SIPA1L2: variants seen among roughly 807,000 people sequenced by gnomAD.
SIPA1L2 encodes the protein signal-induced proliferation-associated 1-like protein 2.
SIPA1L2 carries 56 observed loss-of-function variants against 163.9 expected under a neutral mutation model. The ratio of observed to expected loss-of-function variants is 0.34; its 90% CI spans 0.28 to 0.43. The LOEUF (loss-of-function observed/expected upper bound fraction) is 0.43, where lower values mean the gene tolerates loss of function less well. Ranked by LOEUF, SIPA1L2 falls within the 20% of genes least tolerant of loss-of-function variation. The pLI is 1.00. For synonymous variants in SIPA1L2, 877 were observed against 865.7 expected, an observed-to-expected ratio of 1.01 and a Z score of -0.23; for missense variants, 1,974 against 2,193.5, an observed-to-expected ratio of 0.90 and a Z score of 2.00.
chr1:232,487,550 G>A (rs750401294), intron 5 of SIPA1L2, among the ~76,000 whole-genome samples: 24 of 152,208 alleles, frequency 1.6e-4, no homozygotes, highest in East Asian at 7.7e-4. Flanking sequence ...GTCATAATTC[G>A]TCTAAATAAC....
chr1:232,440,663 C>G (rs930346656), intron 14 of SIPA1L2, among the ~76,000 whole-genome samples: 1 of 152,196 alleles, frequency 6.6e-6, no homozygotes, highest in East Asian at 1.9e-4. Flanking sequence ...TTCACCTGAA[C>G]ATTTTCAAAA....
intron 1 of SIPA1L2, among the ~76,000 whole-genome samples, chr1:232,624,103 C>T (rs1177640563): frequency 6.6e-6 from 1 of 152,090 alleles, no homozygotes; most frequent in Non-Finnish European, 1.5e-5. Context: ...TATACACACA[C>T]ACAAACGTGC....
At chr1:232,598,849 C>A (rs1239829575) in intron 1 of SIPA1L2, among the ~76,000 whole-genome samples, 1 of 151,488 alleles carries the variant, frequency 6.6e-6, no homozygotes. Flanking sequence ...AATATTCAGA[C>A]CAAGCAAGTA....
chr1:232,545,290 A>ACTT (rs1657966717), intron 2 of SIPA1L2, among the ~76,000 whole-genome samples: 1 of 152,200 alleles, frequency 6.6e-6, no homozygotes, highest in Non-Finnish European at 1.5e-5. Flanking sequence ...ACACTTACTG[A>ACTT]CTATATGATT....
At chr1:232,419,971 T>G (rs966957264) in intron 18 of SIPA1L2, among the ~76,000 whole-genome samples, 1 of 152,194 alleles carries the variant, frequency 6.6e-6, no homozygotes, top group African/African-American at 2.4e-5. Context: ...CAAAGAGCCC[T>G]GTCAACAAAC....
intron 17 of SIPA1L2, among the ~76,000 whole-genome samples, chr1:232,426,495 C>G (rs1661911564): frequency 1.3e-5 from 2 of 152,072 alleles, no homozygotes; most frequent in South Asian, 4.2e-4. Context: ...CCTGTCTCCA[C>G]TAAAAATACA....
At position 232,604,676 on chromosome 1, in the gene SIPA1L2, T is replaced by C. The variant is rs6697309; in HGVS notation, c.-319+25193A>G. On this transcript the variant is annotated intron_variant, in intron 1 of 22. Transcript: ENST00000674635. Reference sequence around the variant, plus strand: ...TCTCATGTTGAATTGTAATCACCAATGTTGGAGGTGAGGCCTGGTGGGAGA... The same window carrying C: ...TCTCATGTTGAATTGTAATCACCAACGTTGGAGGTGAGGCCTGGTGGGAGA... Among the ~76,000 whole-genome samples, 1,043 of 152,162 alleles carry C rather than the reference T, an allele frequency of 6.9e-3. 16 individuals carry two copies. The highest frequency in any genetic ancestry group is 0.024 in the African/African-American group (976 of 41,532).
intron 18 of SIPA1L2, among the ~76,000 whole-genome samples, chr1:232,419,728 A>G (rs1055659007): frequency 2.0e-5 from 3 of 152,200 alleles, no homozygotes; most frequent in Admixed American, 2.0e-4. Context: ...GAAGAACCAA[A>G]AGCCAATTAA....
At chr1:232,576,582 G>C (rs1448551726) in intron 1 of SIPA1L2, among the ~76,000 whole-genome samples, 1 of 152,132 alleles carries the variant, frequency 6.6e-6, no homozygotes, top group Non-Finnish European at 1.5e-5. Context: ...CCGTATTCAA[G>C]TAAGAGTCAA....
intron 1 of SIPA1L2, among the ~76,000 whole-genome samples, chr1:232,607,465 T>C (rs1452095413): frequency 6.6e-6 from 1 of 152,198 alleles, no homozygotes; most frequent in Non-Finnish European, 1.5e-5. Context: ...TATACATAAA[T>C]CTTTTAGACC....
Position 232,428,441 on chromosome 1 carries a change from G to C in SIPA1L2, c.4380C>G (p.Asp1460Glu), listed in dbSNP as rs772978624. The change falls in exon 17 of 23, where the codon GAC becomes GAG. Residue 1460 changes from aspartate to glutamate, a missense_variant. Coordinates refer to ENST00000674635, the MANE Select transcript of SIPA1L2 (RefSeq NM_020808.5). ...TTCGCCCCTCCTCCACTAAGGGGCT[G>C]TCAGGAAGCATCAATTTCAGAAAAT... ...KEDFLKLMLP[D>E]SPLVEEGRRK... The C allele has an allele frequency of 6.3e-7, 1 of 1,579,344 alleles. No individual in the cohort carries two copies. The highest frequency in any genetic ancestry group is 2.4e-5 in the East Asian group (1 of 42,238).
At chr1:232,437,330 G>A (rs1662623708) in intron 15 of SIPA1L2, among the ~76,000 whole-genome samples, 1 of 152,086 alleles carries the variant, frequency 6.6e-6, no homozygotes, top group South Asian at 2.1e-4. Context: ...TCCACAGTAT[G>A]ACCACTATTC....
chr1:232,532,665 A>G (rs16857571), intron 2 of SIPA1L2, among the ~76,000 whole-genome samples: 3,765 of 152,312 alleles, frequency 0.025, 150 homozygotes, highest in South Asian at 0.081. Context: ...CACATCCCAT[A>G]ACACTTCTTA....
At chr1:232,405,415 G>C (rs1468613354) in intron 19 of SIPA1L2, among the ~76,000 whole-genome samples, 1 of 152,250 alleles carries the variant, frequency 6.6e-6, no homozygotes, top group Non-Finnish European at 1.5e-5. Context: ...GTACTGCATA[G>C]TAGGCTTTTT....
At position 232,404,259 on chromosome 1, in the gene SIPA1L2, T is replaced by TG; in HGVS notation, c.4763-82dup. ...ATCTCGGGGGCCCACAAAATGCGGC[T>TG]GTGTGAAGTAGTGTGTGTGTGTGAT... On this transcript the variant is annotated intron_variant, in intron 19 of 22. Coordinates refer to ENST00000674635, the MANE Select transcript of SIPA1L2 (RefSeq NM_020808.5). 5.4e-6 allele frequency: 7 copies of TG among 1,288,264 alleles called. No homozygotes were observed. The South Asian group carries it at 8.7e-5, about 16-fold the overall frequency. 79.8% of individuals were successfully genotyped at this position (1,288,264 alleles called of 1,614,324 possible).
At chr1:232,443,815 T>G in intron 11 of SIPA1L2, 130 bp from the exon 12 acceptor site, 1 of 660,034 alleles carries the variant, frequency 1.5e-6, no homozygotes, top group Non-Finnish European at 2.5e-6. Flanking sequence ...CATATTGCCA[T>G]GTGAAACAGA....
intron 2 of SIPA1L2, among the ~76,000 whole-genome samples, chr1:232,530,558 A>T (rs1244565894): frequency 1.3e-5 from 2 of 152,150 alleles, no homozygotes; most frequent in African/African-American, 4.8e-5. Flanking sequence ...CTGAGCAAAA[A>T]GGTAAATACT....
At chr1:232,598,709 CT>C (rs1462794238) in intron 1 of SIPA1L2, among the ~76,000 whole-genome samples, 1 of 152,112 alleles carries the variant, frequency 6.6e-6, no homozygotes, top group Non-Finnish European at 1.5e-5. Flanking sequence ...TCTTGGGCAT[CT>C]TATAGGGGCA....
At position 232,628,932 on chromosome 1, in the gene SIPA1L2, A is replaced by T. The variant is rs192943896; in HGVS notation, c.-319+937T>A. ...GAGGGTTTTTTTCCTTGTTTTTTTT[A>T]AAAAAAAGCCATCCTTGTCAAAACC... On this transcript the variant is annotated intron_variant, in intron 1 of 22. Transcript: ENST00000674635. Among the ~76,000 whole-genome samples the T allele has an allele frequency of 2.5e-3, 321 of 128,100 alleles. 2 individuals carry two copies. The highest frequency in any genetic ancestry group is 0.02 in the East Asian group (68 of 3,362). The allele number at this position is 128,100 out of a possible 152,430, so 84.0% of individuals were successfully genotyped here.
Sources: allele counts gnomAD v4.1 joint callset (sites outside exome capture counted in the v4.1 genomes callset), GRCh38; gene constraint gnomAD v4.1.1; transcripts MANE v1.5; gene names NCBI Gene and HGNC (gene_info 2026-07-23, HGNC 2026-07-21).